The following PRDM2 variants were observed in gnomAD, a reference collection of about 807,000 sequenced individuals.
PRDM2 encodes the protein PR/SET domain 2, also known as PR domain zinc finger protein 2.
In PRDM2, 30 loss-of-function variants were observed where a neutral mutation model predicts 130.0. The observed-to-expected ratio is 0.23, with a 90% CI of 0.17 to 0.31. The LOEUF (loss-of-function observed/expected upper bound fraction) is 0.31, where lower values mean the gene tolerates loss of function less well. Ranked by LOEUF, PRDM2 falls within the 10% of genes least tolerant of loss-of-function variation. PRDM2 has a pLI of 1.00. For missense variants in PRDM2, 2,011 were observed against 2,108.4 expected (o/e 0.95, Z 0.90); for synonymous variants, 871 against 782.4 (o/e 1.11, Z -1.89).
At chr1:13,736,986 C>A (rs542162077) in intron 4 of PRDM2, among the ~76,000 whole-genome samples, 1 of 152,292 alleles carries the variant, frequency 6.6e-6, no homozygotes, top group East Asian at 1.9e-4. Context: ...GATATATAAA[C>A]TTTTTTATCA....
At chr1:13,786,471 G>A in intron 8 of PRDM2, 3 of 1,602,408 alleles carry the variant, frequency 1.9e-6, no homozygotes, top group Non-Finnish European at 2.6e-6. Context: ...ATCATGTAAG[G>A]TTATGTTCTG....
intron 2 of PRDM2, among the ~76,000 whole-genome samples, chr1:13,720,858 T>C (rs1642703588): frequency 6.6e-6 from 1 of 152,222 alleles, no homozygotes; most frequent in South Asian, 2.1e-4. Context: ...TGTTTAGTTA[T>C]TTGACTTTAA....
In PRDM2 at chr1:13,742,232, A is replaced by C. The variant is rs1643467418; in HGVS notation, c.384+75A>C. On this transcript the variant is annotated intron_variant, in intron 5 of 9. Transcript: ENST00000311066. ...CTTTTTCTTTTTTTGAGACGGTCTC[A>C]TTCTGTCTCTCAGGCTGGAGTGCAG... 6 of 1,488,366 alleles carry C rather than the reference A, an allele frequency of 4.0e-6. No homozygotes were observed. In the Admixed American group the frequency reaches 1.1e-4, roughly 26 times the overall value. The allele number at this position is 1,488,366 out of a possible 1,614,324, so 92.2% of individuals were successfully genotyped here.
At chr1:13,768,405 G>A (rs1169414276) in intron 6 of PRDM2, among the ~76,000 whole-genome samples, 1 of 145,920 alleles carries the variant, frequency 6.9e-6, no homozygotes, top group Non-Finnish European at 1.5e-5. Context: ...TTAAGATGGA[G>A]TTTTGCCCTT....
Position 13,703,455 on chromosome 1 carries a change from G to C in PRDM2, c.-66+3155G>C, listed in dbSNP as rs572113317. 2.0e-5 allele frequency among the ~76,000 whole-genome samples: 3 copies of C among 152,344 alleles called. No homozygotes were observed. In the South Asian group the frequency reaches 6.2e-4, roughly 32 times the overall value. On this transcript the variant is annotated intron_variant, in intron 1 of 9. Coordinates refer to ENST00000311066, the MANE Select transcript of PRDM2 (RefSeq NM_001393986.1). ...AGATTATTGAATCTCTTTAAGAACT[G>C]TAAGGATAGACTAGATGGTTTACAC...
chr1:13,785,181 A>G (rs573147310), intron 8 of PRDM2, among the ~76,000 whole-genome samples: 11 of 152,360 alleles, frequency 7.2e-5, no homozygotes, highest in African/African-American at 2.6e-4. Flanking sequence ...TTTGAACTAC[A>G]GTCGTCTTTC....
intron 1 of PRDM2, among the ~76,000 whole-genome samples, chr1:13,702,302 A>C (rs774230859): frequency 6.6e-6 from 1 of 152,208 alleles, no homozygotes; most frequent in African/African-American, 2.4e-5. Context: ...TATTATGTTT[A>C]ATGGCTATTT....
At chr1:13,750,729 A>G (rs938849272) in intron 6 of PRDM2, among the ~76,000 whole-genome samples, 1 of 152,076 alleles carries the variant, frequency 6.6e-6, no homozygotes. Context: ...CAGAGCATTA[A>G]ATGCTTTTGA....
intron 6 of PRDM2, among the ~76,000 whole-genome samples, chr1:13,751,175 T>C (rs1238476997): frequency 6.6e-6 from 1 of 152,246 alleles, no homozygotes; most frequent in African/African-American, 2.4e-5. Context: ...CATATACTTT[T>C]TGTTTTATTA....
chr1:13,762,612 T>G (rs1410196284), intron 6 of PRDM2, among the ~76,000 whole-genome samples: 2 of 152,210 alleles, frequency 1.3e-5, no homozygotes, highest in Non-Finnish European at 2.9e-5. Context: ...TGGTCATTAC[T>G]TTACCCCTAT....
chr1:13,796,230 T>G (rs1269370610), intron 8 of PRDM2, among the ~76,000 whole-genome samples: 1 of 152,226 alleles, frequency 6.6e-6, no homozygotes, highest in Non-Finnish European at 1.5e-5. Flanking sequence ...AAGAGCGTAC[T>G]CCTCAAGATC....
intron 1 of PRDM2, chr1:13,705,445 C>G (rs1413940405): frequency 6.6e-6 from 1 of 152,134 alleles, no homozygotes; most frequent in Non-Finnish European, 1.5e-5. Flanking sequence ...TCTTACAGAA[C>G]TTGGTGGAAG....
chr1:13,776,917 C>G (rs765803106), intron 7 of PRDM2, among the ~76,000 whole-genome samples: 31 of 152,298 alleles, frequency 2.0e-4, no homozygotes, highest in Admixed American at 4.6e-4. Context: ...AATACCTTCT[C>G]TGGCCTTCTC....
intron 7 of PRDM2, among the ~76,000 whole-genome samples, chr1:13,776,617 C>T (rs974659510): frequency 2.0e-5 from 3 of 152,194 alleles, no homozygotes; most frequent in Non-Finnish European, 4.4e-5. Context: ...ACATTTGTCC[C>T]CACTACTCCA....
chr1:13,711,578 C>T (rs1642372625), intron 1 of PRDM2, among the ~76,000 whole-genome samples: 1 of 152,202 alleles, frequency 6.6e-6, no homozygotes, highest in Non-Finnish European at 1.5e-5. Context: ...GTCCAAAATG[C>T]AGGGTTCCTC....
intron 1 of PRDM2, among the ~76,000 whole-genome samples, chr1:13,707,645 T>G (rs1339751196): frequency 6.6e-6 from 1 of 152,186 alleles, no homozygotes; most frequent in Non-Finnish European, 1.5e-5. Context: ...GAAGCATAGT[T>G]CTCATCAGAG....
chr1:13,805,884 G>T (rs1173594898), intron 8 of PRDM2, among the ~76,000 whole-genome samples: 1 of 152,044 alleles, frequency 6.6e-6, no homozygotes, highest in Admixed American at 6.5e-5. Context: ...GGCCACGTGG[G>T]GACCCTGGAG....
At chr1:13,741,866 CTTGTT>C (rs1409358314) in intron 4 of PRDM2, 134 bp from the exon 5 acceptor site, 33 of 646,494 alleles carry the variant, frequency 5.1e-5, no homozygotes, top group Non-Finnish European at 7.5e-5. Context: ...TTCTCTGTCG[CTTGTT>C]TTGTTTTTAT....
chr1:13,752,179 C>T (rs1643864303), intron 6 of PRDM2, among the ~76,000 whole-genome samples: 1 of 152,194 alleles, frequency 6.6e-6, no homozygotes, highest in South Asian at 2.1e-4. Context: ...CATTGATTGG[C>T]AATGACTCAC....
Sources: gnomAD v4.1 joint callset for allele counts (sites outside exome capture counted in the v4.1 genomes callset) on GRCh38, gnomAD v4.1.1 for gene constraint, MANE v1.5 for transcripts, NCBI Gene and HGNC (gene_info 2026-07-23, HGNC 2026-07-21) for gene names.